The following MIA2 variants were observed in gnomAD, a reference collection of about 807,000 sequenced individuals.
MIA2 encodes the protein MIA SH3 domain ER export factor 2, also known as melanoma inhibitory activity protein 2.
A neutral mutation model predicts 167.8 loss-of-function variants in MIA2; 127 were observed. The ratio of observed to expected loss-of-function variants is 0.76; its 90% CI spans 0.66 to 0.88. MIA2 has a LOEUF of 0.88. Ranked by LOEUF, MIA2 falls within the 40% of genes least tolerant of loss-of-function variation. The pLI is 0.00. For synonymous variants in MIA2, 552 were observed against 541.9 expected (o/e 1.02, Z -0.26); for missense variants, 1,690 against 1,624.7 (o/e 1.04, Z -0.69).
chr14:39,298,530 GTTTTTTT>G (rs764475842), intron 13 of MIA2, among the ~76,000 whole-genome samples: 1 of 26,180 alleles, frequency 3.8e-5, no homozygotes, highest in South Asian at 2.1e-3. Context: ...GTAGAACAGA[GTTTTTTT>G]TTTTTTTTTT....
At chr14:39,259,940 T>G (rs997492482) in intron 6 of MIA2, among the ~76,000 whole-genome samples, 1 of 152,106 alleles carries the variant, frequency 6.6e-6, no homozygotes, top group Non-Finnish European at 1.5e-5. Context: ...TTCCCACCTA[T>G]GAGTGAGAAC....
chr14:39,284,616 G>T (rs2059364805), intron 9 of MIA2, among the ~76,000 whole-genome samples: 1 of 151,994 alleles, frequency 6.6e-6, no homozygotes, highest in Admixed American at 6.6e-5. Flanking sequence ...CCATTTCTTT[G>T]TGTGCTCCTC....
At chr14:39,320,038 AATATT>A (rs1172277273) in intron 23 of MIA2, among the ~76,000 whole-genome samples, 2 of 152,158 alleles carry the variant, frequency 1.3e-5, no homozygotes, top group Non-Finnish European at 2.9e-5. Context: ...ACATTTAAAA[AATATT>A]AGATTATTAC....
At chr14:39,237,147 G>T in intron 2 of MIA2, 92 bp downstream of exon 2, 1 of 1,407,532 alleles carries the variant, frequency 7.1e-7, no homozygotes, top group Non-Finnish European at 9.8e-7. Context: ...TGGAAACAGG[G>T]CCTGGCTCTG....
intron 14 of MIA2, among the ~76,000 whole-genome samples, chr14:39,300,718 A>AT (rs2062258299): frequency 6.6e-6 from 1 of 150,992 alleles, no homozygotes. Context: ...CCTAATGTAA[A>AT]TGACGAGTTA....
intron 23 of MIA2, among the ~76,000 whole-genome samples, chr14:39,358,220 A>G (rs2074581363): frequency 6.6e-6 from 1 of 152,162 alleles, no homozygotes; most frequent in Non-Finnish European, 1.5e-5. Context: ...CTTTTCACAT[A>G]GTCCCATATT....
chr14:39,254,211 A>G (rs1323760412), intron 6 of MIA2, among the ~76,000 whole-genome samples: 1 of 152,152 alleles, frequency 6.6e-6, no homozygotes, highest in Non-Finnish European at 1.5e-5. Context: ...AAGAAAGGAT[A>G]GGCATTCTAG....
chr14:39,347,409 G>C (rs2073531390), intron 26 of MIA2: 1 of 335,298 alleles, frequency 3.0e-6, no homozygotes, highest in African/African-American at 2.2e-5. Flanking sequence ...ATAAAAGGAG[G>C]GAGGAGGAAA....
intron 14 of MIA2, among the ~76,000 whole-genome samples, chr14:39,301,253 G>A (rs1000653192): frequency 2.6e-5 from 4 of 151,978 alleles, no homozygotes; most frequent in South Asian, 2.1e-4. Context: ...TAGTAAAGAC[G>A]CGGTTTCACC....
chr14:39,283,342 C>T (rs144666110), intron 9 of MIA2, among the ~76,000 whole-genome samples: 1 of 152,326 alleles, frequency 6.6e-6, no homozygotes, highest in African/African-American at 2.4e-5. Context: ...TACCCATCTA[C>T]ATCCCTGCCA....
downstream of MIA2, among the ~76,000 whole-genome samples, chr14:39,352,521 G>T (rs1213046982): frequency 2.0e-5 from 3 of 151,964 alleles, no homozygotes; most frequent in Non-Finnish European, 4.4e-5. Context: ...GTATGAAATT[G>T]TAGGTCAGAA....
chr14:39,291,288 A>T (rs971071585), intron 10 of MIA2, among the ~76,000 whole-genome samples, 192 bp downstream of exon 10: 4 of 152,208 alleles, frequency 2.6e-5, no homozygotes, highest in Non-Finnish European at 4.4e-5. Flanking sequence ...ATAAAAATTT[A>T]AAAATTTGAG....
rs77595032 is a variant in MIA2, at chr14:39,236,249, G to T, written c.116-673G>T. The stretch of plus-strand genomic sequence containing the variant: ...ATTAAAGTTCAGAGAAAGGGCAATC[G>T]CAGTAGGCTGGAATAATCAGGCTGC... On this transcript the variant is annotated intron_variant, in intron 1 of 28. Coordinates refer to ENST00000640607, the MANE Select transcript of MIA2 (RefSeq NM_001329214.4). 6.1e-3 allele frequency among the ~76,000 whole-genome samples: 929 copies of T among 152,248 alleles called. 9 individuals are homozygous for T. Among genetic ancestry groups the T allele is most frequent in the African/African-American group, 0.02 (813 of 41,544 alleles).
chr14:39,381,673 T>C (rs1038819970), intron 23 of MIA2, among the ~76,000 whole-genome samples: 1 of 142,044 alleles, frequency 7.0e-6, no homozygotes, highest in Non-Finnish European at 1.5e-5. Context: ...GGCTGTTTTT[T>C]TTTTTCTTTT....
intron 24 of MIA2, among the ~76,000 whole-genome samples, 191 bp downstream of exon 24, chr14:39,321,247 G>A (rs779281926): frequency 6.6e-6 from 1 of 152,078 alleles, no homozygotes; most frequent in Admixed American, 6.5e-5. Flanking sequence ...CTTAGAAACC[G>A]TGCTATATTA....
intron 6 of MIA2, among the ~76,000 whole-genome samples, chr14:39,259,211 C>G (rs1378605506): frequency 1.3e-5 from 2 of 152,246 alleles, no homozygotes; most frequent in Non-Finnish European, 2.9e-5. Flanking sequence ...CCCCTTCCCC[C>G]AGGTGCTCTG....
Position 39,319,206 on chromosome 14 carries a change from C to A in MIA2, c.3285-3C>A. On this transcript the variant is annotated splice_region_variant and splice_polypyrimidine_tract_variant and intron_variant, in intron 22 of 28. Transcript: ENST00000640607. ...CTTAGAGATGTTTGTTCTTTATTTG[C>A]AGATTAACTGAAACAGAGCTTAAAT... 3 of 1,522,660 alleles carry A rather than the reference C, an allele frequency of 2.0e-6. No individual in the cohort carries two copies. The highest frequency in any genetic ancestry group is 1.3e-5 in the South Asian group (1 of 77,610). The allele number at this position is 1,522,660 out of a possible 1,614,324, so 94.3% of individuals were successfully genotyped here.
chr14:39,239,021 C>G (rs186850526), intron 2 of MIA2, among the ~76,000 whole-genome samples: 1 of 152,200 alleles, frequency 6.6e-6, no homozygotes, highest in East Asian at 1.9e-4. Context: ...TACTCCCAAG[C>G]TGAACAAGCA....
chr14:39,384,765 GACAT>G (rs775760352), intron 23 of MIA2, among the ~76,000 whole-genome samples: 5 of 152,132 alleles, frequency 3.3e-5, no homozygotes, highest in South Asian at 2.1e-4. Context: ...CAATTCTCCA[GACAT>G]ACATACATGT....
Sources: gnomAD v4.1 joint callset for allele counts (sites outside exome capture counted in the v4.1 genomes callset) on GRCh38, gnomAD v4.1.1 for gene constraint, MANE v1.5 for transcripts, NCBI Gene and HGNC (gene_info 2026-07-23, HGNC 2026-07-21) for gene names.